The following SPAG16 variants were observed in gnomAD, a reference collection of about 807,000 sequenced individuals.
The protein encoded by SPAG16 is sperm-associated antigen 16 protein.
In SPAG16, 86 loss-of-function variants were observed where a neutral mutation model predicts 80.4. The ratio of observed to expected loss-of-function variants is 1.07; its 90% confidence interval spans 0.90 to 1.28. The LOEUF is 1.28. Among genes scored for constraint, SPAG16 ranks in the 50% most tolerant of loss-of-function variants. The probability of loss-of-function intolerance (pLI) is 0.00; values close to 1 mark genes in which losing one functional copy is unlikely to be tolerated. For synonymous variants in SPAG16, 294 were observed against 265.9 expected, an observed-to-expected ratio of 1.11 and a Z score of -1.03; for missense variants, 870 against 765.3, an observed-to-expected ratio of 1.14 and a Z score of -1.61.
At chr2:213,300,670 T>C (rs2062704482) in intron 3 of SPAG16, among the ~76,000 whole-genome samples, 1 of 152,166 alleles carries the variant, frequency 6.6e-6, no homozygotes, top group Admixed American at 6.5e-5. Context: ...AGTTAGTTTT[T>C]ATTAAAAAAA....
chr2:213,864,868 T>G (rs1167212331), intron 11 of SPAG16, among the ~76,000 whole-genome samples: 1 of 151,978 alleles, frequency 6.6e-6, no homozygotes, highest in African/African-American at 2.4e-5. Flanking sequence ...CTCAAGTGCC[T>G]AAATAATAAA....
intron 9 of SPAG16, among the ~76,000 whole-genome samples, chr2:213,451,803 T>C (rs1468548016): frequency 6.6e-6 from 1 of 152,124 alleles, no homozygotes; most frequent in Non-Finnish European, 1.5e-5. Context: ...CCACCCCTTG[T>C]GCAGGCCGAC....
At chr2:213,805,136 G>A (rs1026032741) in intron 10 of SPAG16, among the ~76,000 whole-genome samples, 1 of 152,166 alleles carries the variant, frequency 6.6e-6, no homozygotes, top group Non-Finnish European at 1.5e-5. Context: ...TGGAACTCAA[G>A]CTCAGAATTC....
At chr2:214,185,851 C>A (rs993517058) in intron 15 of SPAG16, among the ~76,000 whole-genome samples, 2 of 152,144 alleles carry the variant, frequency 1.3e-5, no homozygotes, top group South Asian at 2.1e-4. Context: ...ACAAGATATG[C>A]CCTTTTAGCC....
chr2:213,559,397 C>A (rs1298445967), intron 10 of SPAG16, among the ~76,000 whole-genome samples: 1 of 152,078 alleles, frequency 6.6e-6, no homozygotes, highest in Non-Finnish European at 1.5e-5. Flanking sequence ...TAATTGCAAT[C>A]ATTTTTAAGG....
chr2:214,112,434 G>A (rs1010703617), intron 14 of SPAG16, among the ~76,000 whole-genome samples: 1 of 152,090 alleles, frequency 6.6e-6, no homozygotes, highest in Admixed American at 6.5e-5. Flanking sequence ...CATTATTATT[G>A]TGTGGGAGTC....
At chr2:213,415,616 T>C (rs1239485735) in intron 9 of SPAG16, among the ~76,000 whole-genome samples, 2 of 152,176 alleles carry the variant, frequency 1.3e-5, no homozygotes, top group African/African-American at 4.8e-5. Flanking sequence ...GTAGTGTGTG[T>C]ATGAGAAACA....
intron 10 of SPAG16, among the ~76,000 whole-genome samples, chr2:213,591,241 A>G (rs533899323): frequency 2.0e-5 from 3 of 152,310 alleles, no homozygotes; most frequent in East Asian, 3.9e-4. Context: ...AATTTCCTGT[A>G]TATGTCAAGG....
Position 213,938,188 on chromosome 2 carries a change from G to A in SPAG16, c.1400+8043G>A, listed in dbSNP as rs1485616044. 3.3e-5 allele frequency among the ~76,000 whole-genome samples: 5 copies of A among 151,836 alleles called. No individual in the cohort carries two copies. In the East Asian group the frequency reaches 9.6e-4, roughly 29 times the overall value. On this transcript the variant is annotated intron_variant, in intron 12 of 15. Transcript: ENST00000331683. ...GCAAGAACTTTACCATGTTAAATAT[G>A]CAACACCTTTTCTCCAACTCTGCAC...
rs374274176 is a variant in SPAG16 at position 213,980,725 on chromosome 2, T to TATATATAGAGAGAGAG, written c.1401-33225_1401-33224insTATATAGAGAGAGAGA. On this transcript the variant is annotated intron_variant, in intron 12 of 15. Coordinates refer to ENST00000331683, the MANE Select transcript of SPAG16 (RefSeq NM_024532.5). The stretch of plus-strand genomic sequence containing the variant: ...GTGTGTGTGTGTGTATATATATATA[T>TATATATAGAGAGAGAG]AGAGAGAGAGAGAGAGAGAGAGAGA... 3.0e-3 allele frequency among the ~76,000 whole-genome samples: 310 copies of TATATATAGAGAGAGAG among 103,966 alleles called. 18 individuals carry two copies. Among genetic ancestry groups the TATATATAGAGAGAGAG allele is most frequent in the African/African-American group, 0.014 (290 of 20,068 alleles). The allele number at this position is 103,966 out of a possible 152,430, so 68.2% of individuals were successfully genotyped here.
intron 15 of SPAG16, among the ~76,000 whole-genome samples, chr2:214,162,038 C>T (rs2056461482): frequency 6.6e-6 from 1 of 151,876 alleles, no homozygotes; most frequent in African/African-American, 2.4e-5. Context: ...GGTCTTTAAT[C>T]CGAGGTGCAA....
chr2:213,883,274 T>C (rs891818393), intron 11 of SPAG16, among the ~76,000 whole-genome samples: 6 of 152,222 alleles, frequency 3.9e-5, no homozygotes, highest in Non-Finnish European at 8.8e-5. Flanking sequence ...CCAGGAGTTA[T>C]TGAGGACCAA....
intron 10 of SPAG16, among the ~76,000 whole-genome samples, chr2:213,519,452 C>T (rs538197543): frequency 6.6e-6 from 1 of 152,220 alleles, no homozygotes; most frequent in African/African-American, 2.4e-5. Flanking sequence ...CTCATGAGAT[C>T]TAATGGTTTT....
chr2:214,377,692 T>C (rs571927512), intron 15 of SPAG16, among the ~76,000 whole-genome samples: 1 of 152,164 alleles, frequency 6.6e-6, no homozygotes, highest in Non-Finnish European at 1.5e-5. Context: ...AATTTTCAAC[T>C]GTATGGGGTC....
chr2:214,319,211 C>CACACACACACA (rs1553554517), intron 15 of SPAG16, among the ~76,000 whole-genome samples: 1 of 151,368 alleles, frequency 6.6e-6, no homozygotes, highest in Admixed American at 6.6e-5. Flanking sequence ...CACACACACA[C>CACACACACACA]ACACACACAC....
intron 13 of SPAG16, among the ~76,000 whole-genome samples, chr2:214,083,907 T>G (rs1009405622): frequency 6.6e-6 from 1 of 152,128 alleles, no homozygotes; most frequent in African/African-American, 2.4e-5. Context: ...ATTGCATCCT[T>G]TTTAAAATTC....
In SPAG16 at chr2:213,969,397, T is replaced by C. The variant is rs574177443; in HGVS notation, c.1400+39252T>C. On this transcript the variant is annotated intron_variant, in intron 12 of 15. Coordinates refer to ENST00000331683, the MANE Select transcript of SPAG16 (RefSeq NM_024532.5). ...TTGAATGTTGGTGTTCCCTCCAAAATTCCTGAAATTGATATTGAAACGTAG... is the reference window on the plus strand; with the variant it reads ...TTGAATGTTGGTGTTCCCTCCAAAACTCCTGAAATTGATATTGAAACGTAG... Among the ~76,000 whole-genome samples, 5 of 152,272 alleles carry C rather than the reference T, an allele frequency of 3.3e-5. No homozygotes were observed. In the East Asian group the frequency reaches 9.7e-4, roughly 29 times the overall value.
intron 11 of SPAG16, among the ~76,000 whole-genome samples, chr2:213,872,297 T>C (rs1347993736): frequency 6.6e-6 from 1 of 151,994 alleles, no homozygotes; most frequent in Non-Finnish European, 1.5e-5. Flanking sequence ...ACTTATTTTG[T>C]ACTTATGGCC....
Position 213,452,571 on chromosome 2 carries a change from C to T in SPAG16, c.943-37392C>T, listed in dbSNP as rs544576614. ...ATATTCTCTACAAGGTATACCCACT[C>T]AGGAAACAGAGTGATCTAATTAAAA... On this transcript the variant is annotated intron_variant, in intron 9 of 15. Coordinates refer to ENST00000331683, the MANE Select transcript of SPAG16 (RefSeq NM_024532.5). 2.0e-5 allele frequency among the ~76,000 whole-genome samples: 3 copies of T among 152,342 alleles called. No homozygotes were observed. In the East Asian group the frequency reaches 5.8e-4, roughly 29 times the overall value.
Sources: gnomAD v4.1 joint callset for allele counts (sites outside exome capture counted in the v4.1 genomes callset) on GRCh38, gnomAD v4.1.1 for gene constraint, MANE v1.5 for transcripts, NCBI Gene and HGNC (gene_info 2026-07-23, HGNC 2026-07-21) for gene names.